SH3D19: variants seen among roughly 807,000 people sequenced by gnomAD.
SH3D19 encodes the protein SH3 domain containing 19, also known as SH3 domain-containing protein 19.
Under a neutral mutation model 112.1 loss-of-function variants are expected in SH3D19, and 58 were observed. That is an observed-to-expected ratio of 0.52 (90% confidence interval 0.42 to 0.64). The LOEUF (loss-of-function observed/expected upper bound fraction) is 0.64, where lower values mean the gene tolerates loss of function less well. SH3D19 is among the 30% of genes least tolerant of loss of function. The pLI is 0.00. For missense variants in SH3D19, 1,090 were observed against 1,263.4 expected (o/e 0.86, Z 2.08); for synonymous variants, 391 against 448.5 (o/e 0.87, Z 1.62).
intron 2 of SH3D19, among the ~76,000 whole-genome samples, chr4:151,221,299 C>T (rs146462695): frequency 6.9e-4 from 105 of 151,310 alleles, no homozygotes; most frequent in African/African-American, 2.5e-3. Context: ...TGAGGAGAAC[C>T]GAAAAACATA....
At position 151,186,833 on chromosome 4, in the gene SH3D19, C is replaced by T. The variant is rs368799360; in HGVS notation, c.193+590G>A. Among the ~76,000 whole-genome samples the T allele has an allele frequency of 8.8e-3, 1,095 of 124,376 alleles. 11 individuals are homozygous for T. The highest frequency in any genetic ancestry group is 0.031 in the African/African-American group (1,001 of 32,246). The allele number at this position is 124,376 out of a possible 152,430, so 81.6% of individuals were successfully genotyped here. A position where few individuals can be genotyped will look rare whatever the true frequency, so the allele number is the denominator to read the frequency against. On this transcript the variant is annotated intron_variant, in intron 3 of 19. Coordinates refer to ENST00000604030, the MANE Select transcript of SH3D19 (RefSeq NM_001378122.1). Reference sequence around the variant, plus strand: ...TTTTTGAGATGGAGTCTCGCTCTGTCGCCCAGGCTGGAGTGCAGTGGCGCG... The same window carrying T: ...TTTTTGAGATGGAGTCTCGCTCTGTTGCCCAGGCTGGAGTGCAGTGGCGCG...
chr4:151,287,008 A>ATAG (rs1349733020), intron 1 of SH3D19, among the ~76,000 whole-genome samples: 1 of 148,766 alleles, frequency 6.7e-6, no homozygotes, highest in African/African-American at 2.5e-5. Flanking sequence ...AATAATAATA[A>ATAG]TAGTAATTAA....
chr4:151,309,293 C>A (rs1729215006), intron 1 of SH3D19, among the ~76,000 whole-genome samples: 1 of 152,210 alleles, frequency 6.6e-6, no homozygotes, highest in Non-Finnish European at 1.5e-5. Flanking sequence ...TTTCCAGTTA[C>A]TTCAATGATA....
intron 1 of SH3D19, chr4:151,279,931 T>C: frequency 6.2e-7 from 1 of 1,613,484 alleles, no homozygotes; most frequent in Non-Finnish European, 8.5e-7. Context: ...GAGAGGTTGA[T>C]ACTGACAGCA....
At chr4:151,275,348 G>A (rs1773516515) in intron 1 of SH3D19, among the ~76,000 whole-genome samples, 1 of 152,056 alleles carries the variant, frequency 6.6e-6, no homozygotes, top group South Asian at 2.1e-4. Context: ...CGGCCTCCCA[G>A]AGTGCTGGGA....
chr4:151,267,995 A>G (rs764201767), intron 1 of SH3D19, among the ~76,000 whole-genome samples: 2 of 152,228 alleles, frequency 1.3e-5, no homozygotes, highest in African/African-American at 2.4e-5. Context: ...AACAGATGCT[A>G]AGTACATGAC....
intron 1 of SH3D19, among the ~76,000 whole-genome samples, chr4:151,237,811 C>T (rs1003634165): frequency 2.6e-5 from 4 of 152,082 alleles, no homozygotes; most frequent in East Asian, 1.9e-4. Context: ...TATCCTTTGT[C>T]GAACAGGGAT....
intron 2 of SH3D19, among the ~76,000 whole-genome samples, chr4:151,189,404 T>A (rs1361354731): frequency 6.6e-6 from 1 of 152,140 alleles, no homozygotes; most frequent in African/African-American, 2.4e-5. Flanking sequence ...TGAGCCACCA[T>A]GCCCGGCCAA....
At chr4:151,303,955 A>T (rs1010409100) in intron 1 of SH3D19, among the ~76,000 whole-genome samples, 15 of 146,452 alleles carry the variant, frequency 1.0e-4, no homozygotes, top group East Asian at 2.0e-4. Context: ...TTTTTTTTTT[A>T]AACTTGGGCT....
At chr4:151,313,897 AAC>A (rs1214088320) in intron 1 of SH3D19, among the ~76,000 whole-genome samples, 3 of 152,182 alleles carry the variant, frequency 2.0e-5, no homozygotes, top group Non-Finnish European at 4.4e-5. Flanking sequence ...GTGTTATGTG[AAC>A]ACCTCTACAC....
In SH3D19 at chr4:151,185,996, C is replaced by T. The variant is rs114719113; in HGVS notation, c.193+1427G>A. Among the ~76,000 whole-genome samples, 1,120 of 151,998 alleles carry T rather than the reference C, an allele frequency of 7.4e-3. 9 individuals are homozygous for T. Among genetic ancestry groups the T allele is most frequent in the African/African-American group, 0.024 (1,004 of 41,486 alleles). ...TGGAGGTAGCAACGAGACAAGATCGCGCCACTGCAGTCCAGCCTGGGCGAC... is the reference window on the plus strand; with the variant it reads ...TGGAGGTAGCAACGAGACAAGATCGTGCCACTGCAGTCCAGCCTGGGCGAC... On this transcript the variant is annotated intron_variant, in intron 3 of 19. Coordinates refer to ENST00000604030, the MANE Select transcript of SH3D19 (RefSeq NM_001378122.1).
chr4:151,220,156 T>C (rs1022155882), intron 2 of SH3D19, among the ~76,000 whole-genome samples: 1 of 152,232 alleles, frequency 6.6e-6, no homozygotes, highest in Non-Finnish European at 1.5e-5. Context: ...GACAAAAGAC[T>C]GTCTTAATTA....
intron 2 of SH3D19, among the ~76,000 whole-genome samples, chr4:151,200,975 C>G (rs1009662029): frequency 3.9e-5 from 6 of 152,150 alleles, no homozygotes; most frequent in Non-Finnish European, 7.3e-5. Flanking sequence ...TGCACAGGCC[C>G]CAGATGTTAA....
At chr4:151,141,512 A>G (rs1752983431) in intron 12 of SH3D19, among the ~76,000 whole-genome samples, 8 of 152,120 alleles carry the variant, frequency 5.3e-5, no homozygotes, top group Admixed American at 5.2e-4. Context: ...TGGCATGGTG[A>G]TACACCCCTG....
intron 4 of SH3D19, 50 bp from the exon 5 acceptor site, chr4:151,177,005 T>C: frequency 8.1e-7 from 1 of 1,228,492 alleles, no homozygotes; most frequent in Non-Finnish European, 1.0e-6. Flanking sequence ...AACAAGCTAT[T>C]GTCTATCTAT....
intron 1 of SH3D19, among the ~76,000 whole-genome samples, chr4:151,320,055 T>C (rs533639401): frequency 4.6e-5 from 7 of 152,170 alleles, no homozygotes; most frequent in East Asian, 1.9e-4. Context: ...AATACCTACC[T>C]CACAGGTGAT....
In SH3D19 at chr4:151,132,390, T is replaced by TA. The variant is rs953459314; in HGVS notation, c.2690-8dup. On this transcript the variant is annotated splice_region_variant and splice_polypyrimidine_tract_variant and intron_variant, in intron 16 of 19. Transcript: ENST00000604030. ...TTCAGTGGTACCTTTGTGCCTACATTAAAAAAACAAACAAACACAAGAAGT... is the reference window on the plus strand; with the variant it reads ...TTCAGTGGTACCTTTGTGCCTACATTAAAAAAAACAAACAAACACAAGAAGT... The TA allele has an allele frequency of 6.2e-6, 10 of 1,612,896 alleles. No individual in the cohort carries two copies. Among genetic ancestry groups the TA allele is most frequent in the African/African-American group, 2.7e-5 (2 of 74,866 alleles).
At position 151,256,187 on chromosome 4, in the gene SH3D19, G is replaced by A. The variant is rs139435736; in HGVS notation, c.113-30101C>T. 4.8e-3 allele frequency among the ~76,000 whole-genome samples: 726 copies of A among 152,198 alleles called. 6 individuals are homozygous for A. The highest frequency in any genetic ancestry group is 0.016 in the African/African-American group (662 of 41,502). On this transcript the variant is annotated intron_variant, in intron 1 of 19. Coordinates refer to ENST00000604030, the MANE Select transcript of SH3D19 (RefSeq NM_001378122.1). Reference sequence around the variant, plus strand: ...ATATTATTTTTGTTTTCTGTCCTGAGGCCTTATCCATTCTCTTCTAAATAG... The same window carrying A: ...ATATTATTTTTGTTTTCTGTCCTGAAGCCTTATCCATTCTCTTCTAAATAG...
In SH3D19 at chr4:151,176,904, C is replaced by G; in HGVS notation, c.288G>C (p.Trp96Cys). Residue 96 changes from tryptophan to cysteine, a missense_variant, in exon 5 of 20, where the codon TGG (tryptophan) becomes TGC (cysteine). Transcript: ENST00000604030. ...GTCCTGGGGGTGGGGTTCCTGGAAA[C>G]CACGAGGCTGGCCTCAGTGGCTCAG... Reference protein sequence around the residue: ...VAAEPLRPASWFPGTPPPGLG... With the variant: ...VAAEPLRPASCFPGTPPPGLG... 8.1e-7 allele frequency: 1 copy of G among 1,232,236 alleles called. No homozygotes were observed. Among genetic ancestry groups the G allele is most frequent in the Non-Finnish European group, 1.0e-6 (1 of 987,996 alleles). 76.3% of individuals were successfully genotyped at this position (1,232,236 alleles called of 1,614,324 possible). A position where few individuals can be genotyped will look rare whatever the true frequency, so the allele number is the denominator to read the frequency against.
Sources: allele counts gnomAD v4.1 joint callset (sites outside exome capture counted in the v4.1 genomes callset), GRCh38; gene constraint gnomAD v4.1.1; transcripts MANE v1.5; gene names NCBI Gene and HGNC (gene_info 2026-07-23, HGNC 2026-07-21).